The following DENND4A variants were observed in gnomAD, a reference collection of about 807,000 sequenced individuals.
DENND4A encodes DENN domain containing 4A.
DENND4A carries 70 observed loss-of-function variants against 199.3 expected under a neutral mutation model. The observed-to-expected ratio is 0.35, with a 90% CI of 0.29 to 0.43. DENND4A has a LOEUF of 0.43. Ranked by LOEUF, DENND4A falls within the 20% of genes least tolerant of loss-of-function variation. The pLI is 1.00. For synonymous variants in DENND4A, 686 were observed against 766.9 expected (o/e 0.89, Z 1.74); for missense variants, 1,723 against 2,255.8 (o/e 0.76, Z 4.78).
intron 32 of DENND4A, among the ~76,000 whole-genome samples, chr15:65,663,198 A>ATATTTTT (rs1491239096): frequency 1.8e-5 from 2 of 112,348 alleles, no homozygotes; most frequent in African/African-American, 7.4e-5. Context: ...ATATATATAT[A>ATATTTTT]TTTTTTTTTT....
chr15:65,782,966 CTT>C (rs79229683), intron 1 of DENND4A, among the ~76,000 whole-genome samples: 18 of 133,180 alleles, frequency 1.4e-4, no homozygotes, highest in Non-Finnish European at 1.5e-4. Context: ...TGGAAGGGAT[CTT>C]TTTTTTTTTT....
chr15:65,734,212 C>A (rs2076045671), intron 7 of DENND4A, among the ~76,000 whole-genome samples: 1 of 152,224 alleles, frequency 6.6e-6, no homozygotes. Context: ...GTTCCATCTA[C>A]TGAGATAGGG....
rs1242139451 is a variant in DENND4A at position 65,792,042 on chromosome 15, G to A, written c.-134C>T. On this transcript the variant is annotated 5_prime_UTR_variant, in exon 1 of 33. Coordinates refer to ENST00000443035, the MANE Select transcript of DENND4A (RefSeq NM_001320835.1). ...CTGGCTCCCGTGCGAGCAGCGGATC[G>A]AGCTCGGAGAGCGGCGCCGGAATCC... 1 of 152,320 alleles carries A rather than the reference G, an allele frequency of 6.6e-6. No individual in the cohort carries two copies. The highest frequency in any genetic ancestry group is 1.5e-5 in the Non-Finnish European group (1 of 68,120). 9.4% of individuals were successfully genotyped at this position (152,320 alleles called of 1,614,324 possible). A position where few individuals can be genotyped will look rare whatever the true frequency, so the allele number is the denominator to read the frequency against.
At chr15:65,673,492 A>T (rs1255772767) in intron 24 of DENND4A, among the ~76,000 whole-genome samples, 3 of 144,078 alleles carry the variant, frequency 2.1e-5, no homozygotes, top group Non-Finnish European at 4.6e-5. Context: ...AACAAAGGTT[A>T]AAAAAAAAAA....
chr15:65,702,536 TAATA>T (rs1321465099), intron 16 of DENND4A, 25 bp from the exon 17 acceptor site: 4 of 1,533,266 alleles, frequency 2.6e-6, no homozygotes, highest in Admixed American at 3.9e-5. Context: ...AAGATCTTAC[TAATA>T]AATTTATGCA....
At chr15:65,680,694 C>A (rs1454003301) in intron 23 of DENND4A, 1 of 152,084 alleles carries the variant, frequency 6.6e-6, no homozygotes, top group Non-Finnish European at 1.5e-5. Flanking sequence ...TACAGACCTA[C>A]CTTGGAGGTA....
chr15:65,727,271 T>C (rs2075827927), intron 11 of DENND4A, among the ~76,000 whole-genome samples: 1 of 151,258 alleles, frequency 6.6e-6, no homozygotes, highest in Non-Finnish European at 1.5e-5. Flanking sequence ...GCTAACATGG[T>C]GAAACCCCGT....
intron 14 of DENND4A, among the ~76,000 whole-genome samples, chr15:65,714,693 A>G (rs1409593831): frequency 6.6e-6 from 1 of 152,140 alleles, no homozygotes; most frequent in Non-Finnish European, 1.5e-5. Flanking sequence ...CTGACACTGC[A>G]TGTTGTGCTC....
chr15:65,662,090 A>C, intron 32 of DENND4A, 103 bp from the exon 33 acceptor site: 1 of 945,608 alleles, frequency 1.1e-6, no homozygotes, highest in East Asian at 2.6e-5. Context: ...TTAGAGGCCA[A>C]GAAGGAATTG....
At chr15:65,728,498 T>G (rs1307539953) in intron 11 of DENND4A, among the ~76,000 whole-genome samples, 1 of 151,476 alleles carries the variant, frequency 6.6e-6, no homozygotes, top group Non-Finnish European at 1.5e-5. Flanking sequence ...TTTTTTTTTT[T>G]TTGAGACAGA....
intron 2 of DENND4A, among the ~76,000 whole-genome samples, chr15:65,758,118 A>G (rs1254871440): frequency 3.9e-5 from 6 of 152,162 alleles, no homozygotes; most frequent in Non-Finnish European, 7.4e-5. Flanking sequence ...AAACTACAAA[A>G]ATGCATACAC....
chr15:65,746,128 T>A (rs1178687916), intron 4 of DENND4A, among the ~76,000 whole-genome samples: 1 of 146,808 alleles, frequency 6.8e-6, no homozygotes, highest in East Asian at 2.0e-4. Flanking sequence ...GCGACAAGAG[T>A]GAAACTCCGT....
intron 5 of DENND4A, among the ~76,000 whole-genome samples, chr15:65,739,449 C>G (rs774437083): frequency 1.8e-4 from 27 of 152,164 alleles, no homozygotes; most frequent in Non-Finnish European, 2.9e-4. Context: ...CCTATGATTT[C>G]ACATTAGGTA....
intron 20 of DENND4A, among the ~76,000 whole-genome samples, chr15:65,698,838 A>C (rs1269622249): frequency 6.8e-6 from 1 of 146,920 alleles, no homozygotes; most frequent in East Asian, 2.0e-4. Context: ...CCTGGGTTCA[A>C]GCAATTCTCG....
At chr15:65,772,056 C>T (rs1007782431) in intron 1 of DENND4A, 11 of 1,285,404 alleles carry the variant, frequency 8.6e-6, no homozygotes, top group Non-Finnish European at 1.2e-5. Flanking sequence ...CTGCAGGAAA[C>T]GCTGGGCCTT....
intron 4 of DENND4A, among the ~76,000 whole-genome samples, chr15:65,745,138 T>TA (rs2076356383): frequency 6.6e-6 from 1 of 152,214 alleles, no homozygotes; most frequent in African/African-American, 2.4e-5. Context: ...AATAATATTT[T>TA]ATCAAGAAAT....
Position 65,764,643 on chromosome 15 carries a change from T to C in DENND4A, c.-101-3205A>G, listed in dbSNP as rs182399358. The stretch of plus-strand genomic sequence containing the variant: ...AAGACTCTGTCTCAAAAAAACCCAA[T>C]AATTAATTAAATTTAATTTTTAAAA... On this transcript the variant is annotated intron_variant, in intron 1 of 32. Coordinates refer to ENST00000443035, the MANE Select transcript of DENND4A (RefSeq NM_001320835.1). 5.3e-5 allele frequency among the ~76,000 whole-genome samples: 8 copies of C among 151,042 alleles called. No homozygotes were observed. The East Asian group carries it at 1.6e-3, about 30-fold the overall frequency.
At chr15:65,742,686 G>A (rs756047916) in intron 4 of DENND4A, among the ~76,000 whole-genome samples, 3 of 152,228 alleles carry the variant, frequency 2.0e-5, no homozygotes, top group South Asian at 4.1e-4. Context: ...TGATCTGTCC[G>A]CCTCGGCCTC....
At chr15:65,758,444 G>A (rs2076769637) in intron 2 of DENND4A, among the ~76,000 whole-genome samples, 1 of 152,126 alleles carries the variant, frequency 6.6e-6, no homozygotes, top group Non-Finnish European at 1.5e-5. Context: ...CTCCCATGCA[G>A]CTGGGACCAC....
Sources: gnomAD v4.1 joint callset for allele counts (sites outside exome capture counted in the v4.1 genomes callset) on GRCh38, gnomAD v4.1.1 for gene constraint, MANE v1.5 for transcripts, NCBI Gene and HGNC (gene_info 2026-07-23, HGNC 2026-07-21) for gene names.